MEI4: variants seen among roughly 807,000 people sequenced by gnomAD.
MEI4 encodes meiosis-specific protein MEI4.
Under a neutral mutation model 31.4 loss-of-function variants are expected in MEI4, and 27 were observed. That is an observed-to-expected ratio of 0.86 (90% CI 0.63 to 1.19). The LOEUF is 1.19. Ranked by LOEUF, MEI4 falls within the 50% of genes most tolerant of loss-of-function variation. The probability of loss-of-function intolerance (pLI) is 0.00; values close to 1 mark genes in which losing one functional copy is unlikely to be tolerated. For synonymous variants in MEI4, 122 were observed against 145.4 expected, an observed-to-expected ratio of 0.84 and a Z score of 1.16; for missense variants, 329 against 398.9, an observed-to-expected ratio of 0.82 and a Z score of 1.49.
At chr6:77,720,477 C>G (rs1382601692) in intron 2 of MEI4, among the ~76,000 whole-genome samples, 3 of 116,056 alleles carry the variant, frequency 2.6e-5, no homozygotes, top group Non-Finnish European at 3.6e-5. Context: ...AGTACTTTCT[C>G]CTGTTTGGCA....
intron 4 of MEI4, among the ~76,000 whole-genome samples, chr6:77,852,491 A>G (rs1770648170): frequency 6.6e-6 from 1 of 152,122 alleles, no homozygotes; most frequent in African/African-American, 2.4e-5. Flanking sequence ...TCACACTCAT[A>G]TAACAAAATA....
In MEI4 at chr6:77,923,481, C is replaced by CTTAATGGTTAGTCTTAAATTGTATGAAA. The variant is rs1473446905; in HGVS notation, c.*138_*165dup. ...TCTCTAAATATAATTATCAATTCAA[C>CTTAATGGTTAGTCTTAAATTGTATGAAA]TTAATGGTTAGTCTTAAATTGTATG... On this transcript the variant is annotated 3_prime_UTR_variant, in exon 5 of 5. Transcript: ENST00000684080. 1 of 733,028 alleles carries CTTAATGGTTAGTCTTAAATTGTATGAAA rather than the reference C, an allele frequency of 1.4e-6. No homozygotes were observed. The highest frequency in any genetic ancestry group is 1.9e-6 in the Non-Finnish European group (1 of 536,058). The allele number at this position is 733,028 out of a possible 1,614,324, so 45.4% of individuals were successfully genotyped here.
At chr6:77,917,214 A>T (rs1766580392) in intron 4 of MEI4, among the ~76,000 whole-genome samples, 1 of 151,974 alleles carries the variant, frequency 6.6e-6, no homozygotes, top group Non-Finnish European at 1.5e-5. Flanking sequence ...TATTGTGAAT[A>T]ATGCCGCAAT....
chr6:77,728,612 C>G (rs1359065847), intron 2 of MEI4, among the ~76,000 whole-genome samples: 1 of 152,108 alleles, frequency 6.6e-6, no homozygotes, highest in Non-Finnish European at 1.5e-5. Flanking sequence ...GATGGAGTAC[C>G]TGGAGATAGA....
chr6:77,683,744 A>T (rs1329961644), intron 1 of MEI4, among the ~76,000 whole-genome samples: 1 of 152,192 alleles, frequency 6.6e-6, no homozygotes, highest in Non-Finnish European at 1.5e-5. Flanking sequence ...AAGACTGAAT[A>T]GCATTTCATT....
intron 4 of MEI4, among the ~76,000 whole-genome samples, chr6:77,898,493 G>A (rs573874031): frequency 1.3e-5 from 2 of 152,074 alleles, no homozygotes; most frequent in South Asian, 4.1e-4. Flanking sequence ...TAACATTTAT[G>A]TTATATGGCT....
At chr6:77,791,345 G>A (rs912725362) in intron 3 of MEI4, among the ~76,000 whole-genome samples, 3 of 151,738 alleles carry the variant, frequency 2.0e-5, no homozygotes, top group Admixed American at 6.6e-5. Flanking sequence ...GGAATACTAC[G>A]CAGCCATAAA....
At chr6:77,864,623 A>G (rs9361302) in intron 4 of MEI4, among the ~76,000 whole-genome samples, 21,323 of 152,174 alleles carry the variant, frequency 0.14, 1,775 homozygotes, top group East Asian at 0.39. Context: ...CTCCCATACA[A>G]TAATAATGGG....
intron 1 of MEI4, among the ~76,000 whole-genome samples, chr6:77,661,935 G>A (rs565671792): frequency 1.6e-3 from 239 of 152,284 alleles, no homozygotes; most frequent in Non-Finnish European, 3.0e-3. Context: ...AGAGCAATGG[G>A]ATCTGACGCC....
At chr6:77,916,541 C>T (rs879760597) in intron 4 of MEI4, among the ~76,000 whole-genome samples, 1 of 151,946 alleles carries the variant, frequency 6.6e-6, no homozygotes, top group Non-Finnish European at 1.5e-5. Context: ...CAGCTCTAAG[C>T]AGTATTAGTA....
At chr6:77,713,641 A>C (rs1456788680) in intron 2 of MEI4, among the ~76,000 whole-genome samples, 1 of 152,188 alleles carries the variant, frequency 6.6e-6, no homozygotes, top group Admixed American at 6.5e-5. Context: ...AAATGTAGGA[A>C]TTCAGGTGTT....
At chr6:77,895,659 A>G (rs1027056046) in intron 4 of MEI4, among the ~76,000 whole-genome samples, 9 of 152,122 alleles carry the variant, frequency 5.9e-5, no homozygotes, top group African/African-American at 2.2e-4. Flanking sequence ...TTAGATATAT[A>G]CCAGGGACTC....
At chr6:77,855,517 T>C (rs1770724788) in intron 4 of MEI4, among the ~76,000 whole-genome samples, 1 of 152,182 alleles carries the variant, frequency 6.6e-6, no homozygotes, top group African/African-American at 2.4e-5. Context: ...GCTTGGAAGA[T>C]TATTAAAATA....
intron 3 of MEI4, among the ~76,000 whole-genome samples, chr6:77,765,352 T>A (rs771676779): frequency 2.0e-5 from 3 of 151,876 alleles, no homozygotes; most frequent in Non-Finnish European, 4.4e-5. Flanking sequence ...TGAGAAGAAG[T>A]GACAACTTAT....
At chr6:77,843,711 AGACATTTCTGAAG>A in intron 4 of MEI4, among the ~76,000 whole-genome samples, 1 of 152,116 alleles carries the variant, frequency 6.6e-6, no homozygotes, top group Non-Finnish European at 1.5e-5. Flanking sequence ...TAATTTCAGA[AGACATTTCTGAAG>A]ATGCTGTGAA....
At chr6:77,837,140 A>T (rs1288684790) in intron 4 of MEI4, among the ~76,000 whole-genome samples, 2 of 152,264 alleles carry the variant, frequency 1.3e-5, no homozygotes, top group Admixed American at 6.5e-5. Flanking sequence ...TCCTGAGCTC[A>T]GCTGGCAACG....
Position 77,687,215 on chromosome 6 carries a change from G to A in MEI4, c.-14-3443G>A, listed in dbSNP as rs563760301. On this transcript the variant is annotated intron_variant, in intron 1 of 4. Transcript: ENST00000684080. ...TAAGCTGTGCTGGAATTGATGCTGT[G>A]TTCTAAAAAGACTGATTTTATACTT... is the stretch of plus-strand genomic sequence containing the variant. Among the ~76,000 whole-genome samples the A allele has an allele frequency of 4.6e-5, 7 of 152,136 alleles. No individual in the cohort carries two copies. The East Asian group carries it at 1.4e-3, about 29-fold the overall frequency.
intron 4 of MEI4, among the ~76,000 whole-genome samples, chr6:77,880,226 T>TG (rs1285943591): frequency 7.2e-6 from 1 of 139,774 alleles, no homozygotes; most frequent in Non-Finnish European, 1.5e-5. Flanking sequence ...GTGGGGTTTT[T>TG]TTTGTTTGTT....
At chr6:77,758,742 C>T (rs1301508790) in intron 2 of MEI4, among the ~76,000 whole-genome samples, 2 of 152,154 alleles carry the variant, frequency 1.3e-5, no homozygotes, top group East Asian at 3.9e-4. Context: ...CATGTCTCAC[C>T]TGCCATTCTT....
Sources: gnomAD v4.1 joint callset for allele counts (sites outside exome capture counted in the v4.1 genomes callset) on GRCh38, gnomAD v4.1.1 for gene constraint, MANE v1.5 for transcripts, NCBI Gene and HGNC (gene_info 2026-07-23, HGNC 2026-07-21) for gene names.